Variants in CLOCK observed in about 807,000 individuals in gnomAD.
CLOCK encodes clock circadian regulator, also known as circadian locomoter output cycles protein kaput.
A neutral mutation model predicts 118.4 loss-of-function variants in CLOCK; 43 were observed. The ratio of observed to expected loss-of-function variants is 0.36; its 90% confidence interval spans 0.28 to 0.47. The LOEUF (loss-of-function observed/expected upper bound fraction) is 0.47, where lower values mean the gene tolerates loss of function less well. Ranked by LOEUF, CLOCK falls within the 20% of genes least tolerant of loss-of-function variation. The probability of loss-of-function intolerance (pLI) is 1.00; values close to 1 mark genes in which losing one functional copy is unlikely to be tolerated. For missense variants in CLOCK, 846 were observed against 999.9 expected (o/e 0.85, Z 2.08); for synonymous variants, 326 against 339.2 (o/e 0.96, Z 0.43).
rs548400858 is a variant in CLOCK at position 55,432,264 on chromosome 4, C to T, written c.*3151G>A. ...AAGTGTCTCGGTTCTGGTTTGACAC[C>T]ACTCTAAGGAGCAACTTTATTAACC... On this transcript the variant is annotated 3_prime_UTR_variant, in exon 23 of 23. Transcript: ENST00000513440. 2.0e-5 allele frequency: 3 copies of T among 151,130 alleles called. No individual in the cohort carries two copies. The highest frequency in any genetic ancestry group is 4.9e-5 in the African/African-American group (2 of 40,642). 9.4% of individuals were successfully genotyped at this position (151,130 alleles called of 1,614,324 possible).
chr4:55,479,517 C>A, intron 5 of CLOCK, 123 bp downstream of exon 5: 1 of 766,646 alleles, frequency 1.3e-6, no homozygotes, highest in Admixed American at 2.3e-5. Flanking sequence ...GTTCTTCCAC[C>A]TTGCTAATAT....
In CLOCK at chr4:55,429,446, G is replaced by T. The variant is rs1191033360; in HGVS notation, c.*5969C>A. On this transcript the variant is annotated 3_prime_UTR_variant, in exon 23 of 23. Transcript: ENST00000513440. ...TCTAGGTTTCCAATATTCCAACACT[G>T]CTTTACTGGGCAGTGCTGTGTATGG... 6.6e-6 allele frequency: 1 copy of T among 152,180 alleles called. No homozygotes were observed. The highest frequency in any genetic ancestry group is 1.5e-5 in the Non-Finnish European group (1 of 68,042). The allele number at this position is 152,180 out of a possible 1,614,324, so 9.4% of individuals were successfully genotyped here.
intron 22 of CLOCK, among the ~76,000 whole-genome samples, chr4:55,437,234 G>A (rs557442653): frequency 6.6e-6 from 1 of 152,220 alleles, no homozygotes; most frequent in South Asian, 2.1e-4. Flanking sequence ...GACAAATTAA[G>A]ACTATATTTA....
intron 1 of CLOCK, among the ~76,000 whole-genome samples, chr4:55,518,205 G>A (rs985479181): frequency 6.6e-6 from 1 of 152,236 alleles, no homozygotes; most frequent in Admixed American, 6.5e-5. Flanking sequence ...GATATGAAGA[G>A]AAAGTTAAAT....
At chr4:55,494,504 G>C (rs1425202375) in intron 2 of CLOCK, among the ~76,000 whole-genome samples, 1 of 152,016 alleles carries the variant, frequency 6.6e-6, no homozygotes, top group African/African-American at 2.4e-5. Flanking sequence ...CAGAAAGAAC[G>C]GTCAAAAAGA....
chr4:55,499,802 C>A (rs1170292537), intron 2 of CLOCK, among the ~76,000 whole-genome samples: 2 of 152,196 alleles, frequency 1.3e-5, no homozygotes, highest in Non-Finnish European at 2.9e-5. Context: ...ATGTTTCTTT[C>A]GCTCTGTTCC....
chr4:55,476,302 T>C (rs1726505872), intron 6 of CLOCK, among the ~76,000 whole-genome samples: 1 of 152,180 alleles, frequency 6.6e-6, no homozygotes. Context: ...GGTACTCTGA[T>C]AGTTATGTTG....
chr4:55,429,298 G>A lies in CLOCK; in HGVS notation c.*6117C>T, dbSNP rs1164313402. 6.6e-6 allele frequency: 1 copy of A among 152,148 alleles called. No homozygotes were observed. The highest frequency in any genetic ancestry group is 2.4e-5 in the African/African-American group (1 of 41,414). 9.4% of individuals were successfully genotyped at this position (152,148 alleles called of 1,614,324 possible). On this transcript the variant is annotated 3_prime_UTR_variant, in exon 23 of 23. Coordinates refer to ENST00000513440, the MANE Select transcript of CLOCK (RefSeq NM_004898.4). ...ATCATTAAATTCAATTGTGGTTGACGTGCTTTAACTACCGTTCTCTAAGTT... is the reference window on the plus strand; with the variant it reads ...ATCATTAAATTCAATTGTGGTTGACATGCTTTAACTACCGTTCTCTAAGTT...
chr4:55,537,465 A>G (rs1466025095), intron 1 of CLOCK, among the ~76,000 whole-genome samples: 1 of 152,074 alleles, frequency 6.6e-6, no homozygotes, highest in African/African-American at 2.4e-5. Flanking sequence ...CAAAAAATAC[A>G]AAAATTAGCC....
At chr4:55,520,627 A>C (rs1025624366) in intron 1 of CLOCK, among the ~76,000 whole-genome samples, 1 of 152,168 alleles carries the variant, frequency 6.6e-6, no homozygotes, top group African/African-American at 2.4e-5. Context: ...TCTCCCTCCC[A>C]AATCTTTTTA....
chr4:55,516,854 C>CT (rs1339026540), intron 1 of CLOCK, among the ~76,000 whole-genome samples: 1 of 151,762 alleles, frequency 6.6e-6, no homozygotes, highest in Non-Finnish European at 1.5e-5. Context: ...TTTTGTTTTA[C>CT]TTTTTTTAGT....
chr4:55,504,283 CAA>C (rs35414558), intron 2 of CLOCK, among the ~76,000 whole-genome samples: 57 of 51,948 alleles, frequency 1.1e-3, no homozygotes, highest in African/African-American at 3.8e-3. Context: ...GAGACTCCAT[CAA>C]AAAAAAAAAA....
rs1723451584 is a variant in CLOCK at position 55,442,507 on chromosome 4, T to C, written c.2030A>G (p.Gln677Arg). 6.2e-7 allele frequency: 1 copy of C among 1,609,138 alleles called. No individual in the cohort carries two copies. The highest frequency in any genetic ancestry group is 1.1e-5 in the South Asian group (1 of 90,586). Residue 677 changes from glutamine (Q) to arginine (R), a missense_variant, in exon 21 of 23, where the codon CAG becomes CGG. Around this residue, in one of 4 missense-constraint regions of CLOCK, gnomAD observed 520 missense variants for 558.0 expected, o/e 0.93. Coordinates refer to ENST00000513440, the MANE Select transcript of CLOCK (RefSeq NM_004898.4). ...GTTTTGTGGCATACTAGATGGAATCTGGACCATGCTTCCGGCTGCAGGCTG... is the reference window on the plus strand; with the variant it reads ...GTTTTGTGGCATACTAGATGGAATCCGGACCATGCTTCCGGCTGCAGGCTG... The part of the protein sequence containing the change: ...ISQPAAGSMV[Q>R]IPSSMPQNST...
intron 7 of CLOCK, among the ~76,000 whole-genome samples, chr4:55,473,677 A>G (rs1726298141): frequency 6.6e-6 from 1 of 152,114 alleles, no homozygotes; most frequent in South Asian, 2.1e-4. Context: ...GTTTTTTCAC[A>G]AAGTGAAGGT....
At chr4:55,440,121 C>T (rs1051676254) in intron 21 of CLOCK, among the ~76,000 whole-genome samples, 2 of 151,980 alleles carry the variant, frequency 1.3e-5, no homozygotes, top group Non-Finnish European at 2.9e-5. Flanking sequence ...TACACTGGCA[C>T]ACAGTTCATG....
chr4:55,443,656 C>T (rs1723551341), intron 20 of CLOCK, 31 bp downstream of exon 20: 2 of 1,568,498 alleles, frequency 1.3e-6, no homozygotes, highest in Admixed American at 1.7e-5. Flanking sequence ...CCACTGATCA[C>T]TCCATAGCCC....
chr4:55,460,367 C>T (rs908599318), intron 9 of CLOCK, among the ~76,000 whole-genome samples: 5 of 152,196 alleles, frequency 3.3e-5, no homozygotes, highest in Non-Finnish European at 7.4e-5. Context: ...CATTTGCTTT[C>T]AGGACATTCG....
chr4:55,482,633 A>C, intron 4 of CLOCK, 106 bp downstream of exon 4: 1 of 702,908 alleles, frequency 1.4e-6, no homozygotes, highest in Non-Finnish European at 2.3e-6. Context: ...AATAGTAATT[A>C]TGTTTAGGCA....
intron 1 of CLOCK, among the ~76,000 whole-genome samples, chr4:55,528,249 G>A (rs1251311393): frequency 6.6e-6 from 1 of 151,952 alleles, no homozygotes; most frequent in Non-Finnish European, 1.5e-5. Context: ...GGGAGGCTGA[G>A]GCAGGAGAAT....
Sources: gnomAD v4.1 joint callset for allele counts (sites outside exome capture counted in the v4.1 genomes callset) on GRCh38, gnomAD v4.1.1 for gene constraint, gnomAD v4.1.1 regional missense constraint, MANE v1.5 for transcripts, NCBI Gene and HGNC (gene_info 2026-07-23, HGNC 2026-07-21) for gene names.